The following PCDHA7 variants were observed in gnomAD, a reference collection of about 807,000 sequenced individuals.
PCDHA7 encodes the protein protocadherin alpha-7.
In PCDHA7, 37 loss-of-function variants were observed where a neutral mutation model predicts 57.2. The ratio of observed to expected loss-of-function variants is 0.65; its 90% CI spans 0.50 to 0.85. The LOEUF is 0.85. Among genes scored for constraint, PCDHA7 ranks in the 40% least tolerant of loss-of-function variants. PCDHA7 has a pLI of 0.00. For missense variants in PCDHA7, 1,188 were observed against 1,241.8 expected, an observed-to-expected ratio of 0.96 and a Z score of 0.65; for synonymous variants, 553 against 558.8, an observed-to-expected ratio of 0.99 and a Z score of 0.15.
intron 1 of PCDHA7, among the ~76,000 whole-genome samples, chr5:140,942,504 G>C (rs2093309107): frequency 6.6e-6 from 1 of 151,936 alleles, no homozygotes; most frequent in Admixed American, 6.6e-5. Flanking sequence ...ATGGTATCTA[G>C]GAAACTCAGA....
intron 1 of PCDHA7, chr5:140,860,355 TG>T (rs1218123475): frequency 1.3e-5 from 2 of 152,074 alleles, no homozygotes; most frequent in African/African-American, 2.4e-5. Context: ...CACTCCAGCC[TG>T]GATGACAAAG....
intron 3 of PCDHA7, among the ~76,000 whole-genome samples, chr5:140,999,639 T>C (rs1554256919): frequency 6.6e-6 from 1 of 152,144 alleles, no homozygotes; most frequent in African/African-American, 2.4e-5. Context: ...TAGAGAAAAC[T>C]GTGCAGCCTG....
intron 3 of PCDHA7, among the ~76,000 whole-genome samples, chr5:140,989,861 C>G (rs1449611550): frequency 6.6e-6 from 1 of 152,042 alleles, no homozygotes; most frequent in Non-Finnish European, 1.5e-5. Context: ...GGAGAGGAAT[C>G]TTTCTCTGCC....
At chr5:140,852,397 C>A in intron 1 of PCDHA7, 1 of 184,368 alleles carries the variant, frequency 5.4e-6, no homozygotes, top group Non-Finnish European at 1.2e-5. Flanking sequence ...CCTGCCTCAG[C>A]CTCCTGAGTA....
At chr5:140,962,710 T>C (rs2095702479) in intron 1 of PCDHA7, among the ~76,000 whole-genome samples, 1 of 152,246 alleles carries the variant, frequency 6.6e-6, no homozygotes, top group South Asian at 2.1e-4. Context: ...ATAATCATAT[T>C]GGAAAGTATT....
intron 1 of PCDHA7, among the ~76,000 whole-genome samples, chr5:140,896,201 C>G (rs1583224545): frequency 6.6e-6 from 1 of 152,344 alleles, no homozygotes; most frequent in African/African-American, 2.4e-5. Context: ...CCATGATGAA[C>G]ATACACATAC....
At chr5:140,875,922 T>A (rs1554168077) in intron 1 of PCDHA7, 1 of 1,614,200 alleles carries the variant, frequency 6.2e-7, no homozygotes, top group Admixed American at 1.7e-5. Flanking sequence ...CTCTGGACTC[T>A]CATTTTCCTC....
intron 1 of PCDHA7, among the ~76,000 whole-genome samples, chr5:140,961,280 CT>C (rs2153727915): frequency 6.6e-6 from 1 of 152,104 alleles, no homozygotes; most frequent in Admixed American, 6.5e-5. Flanking sequence ...TACCATGGCT[CT>C]GTTTCTTGAG....
intron 1 of PCDHA7, chr5:140,853,127 C>A: frequency 1.7e-6 from 1 of 580,840 alleles, no homozygotes; most frequent in Non-Finnish European, 2.2e-6. Context: ...GATCCTCCCG[C>A]CTCAGCCTCC....
chr5:140,877,326 G>T (rs781931363), intron 1 of PCDHA7: 1 of 1,613,964 alleles, frequency 6.2e-7, no homozygotes, highest in East Asian at 2.2e-5. Flanking sequence ...CGGTCGGCGC[G>T]CACATCCCGT....
At chr5:141,007,985 A>C (rs2153994605) in intron 3 of PCDHA7, among the ~76,000 whole-genome samples, 1 of 152,322 alleles carries the variant, frequency 6.6e-6, no homozygotes, top group South Asian at 2.1e-4. Context: ...TGTATATATG[A>C]AATGTACATG....
Position 140,857,175 on chromosome 5 carries a change from A to G in PCDHA7, c.2355+20437A>G, listed in dbSNP as rs149086377. ...ATTGCCCTAATCAGCGTTTCTGACC[A>G]TGATTCAGGAGCCAACGGACAGGTC... On this transcript the variant is annotated intron_variant, in intron 1 of 3. Transcript: ENST00000525929. 1.1e-5 allele frequency: 18 copies of G among 1,598,338 alleles called. No homozygotes were observed. The African/African-American group carries it at 1.3e-4, about 12-fold the overall frequency.
intron 1 of PCDHA7, among the ~76,000 whole-genome samples, chr5:140,885,242 A>G (rs1481024816): frequency 6.6e-6 from 1 of 152,038 alleles, no homozygotes; most frequent in Non-Finnish European, 1.5e-5. Context: ...TCAATTTTTT[A>G]TTTGCATTCA....
intron 1 of PCDHA7, among the ~76,000 whole-genome samples, chr5:140,924,989 C>T (rs782768303): frequency 7.9e-5 from 12 of 151,328 alleles, no homozygotes; most frequent in Admixed American, 1.3e-4. Context: ...GTCTGTAATC[C>T]TAGCACTTTA....
intron 1 of PCDHA7, among the ~76,000 whole-genome samples, chr5:140,905,999 G>T (rs781796509): frequency 1.3e-5 from 2 of 152,140 alleles, no homozygotes; most frequent in Non-Finnish European, 2.9e-5. Flanking sequence ...AGGCTGGGAG[G>T]CTAAGCCAGT....
intron 1 of PCDHA7, among the ~76,000 whole-genome samples, chr5:140,941,319 C>CTT (rs70988781): frequency 9.6e-6 from 1 of 104,394 alleles, no homozygotes; most frequent in African/African-American, 3.7e-5. Flanking sequence ...TCTTCTTTCT[C>CTT]TTTTTTTTTT....
At chr5:140,880,737 G>T (rs139077188) in intron 1 of PCDHA7, among the ~76,000 whole-genome samples, 1 of 152,304 alleles carries the variant, frequency 6.6e-6, no homozygotes, top group Non-Finnish European at 1.5e-5. Flanking sequence ...TAGAGAAAAT[G>T]GATTGTCAGT....
At chr5:140,896,882 T>C (rs1345268084) in intron 1 of PCDHA7, among the ~76,000 whole-genome samples, 1 of 152,198 alleles carries the variant, frequency 6.6e-6, no homozygotes. Flanking sequence ...TTATGGGGTA[T>C]ATGAGACATT....
Position 140,835,847 on chromosome 5 carries a change from G to A in PCDHA7, c.1464G>A (p.Ala488=), listed in dbSNP as rs140727991. The change falls in exon 1 of 4, where the codon GCG becomes GCA. Residue 488 remains alanine (A), a synonymous_variant. Coordinates refer to ENST00000525929, the MANE Select transcript of PCDHA7 (RefSeq NM_018910.3). ...GGGACGCGGACGCGCAGAAGAACGC[G>A]CTGGTGTCCTACTCGCTGGTGGAGC... The part of the protein sequence containing the change: ...SAGDADAQKN[A]LVSYSLVELR... 1.2e-5 allele frequency: 20 copies of A among 1,612,228 alleles called. No homozygotes were observed. Among genetic ancestry groups the A allele is most frequent in the Non-Finnish European group, 1.7e-5 (20 of 1,179,666 alleles).
Sources: gnomAD v4.1 joint callset for allele counts (sites outside exome capture counted in the v4.1 genomes callset) on GRCh38, gnomAD v4.1.1 for gene constraint, MANE v1.5 for transcripts, NCBI Gene and HGNC (gene_info 2026-07-23, HGNC 2026-07-21) for gene names.